The following PABPC1 variants were observed in gnomAD, a reference collection of about 807,000 sequenced individuals.
The protein encoded by PABPC1 is polyadenylate-binding protein 1.
Under a neutral mutation model 74.0 loss-of-function variants are expected in PABPC1, and 4 were observed. The ratio of observed to expected loss-of-function variants is 0.05; its 90% CI spans 0.03 to 0.12. The LOEUF (loss-of-function observed/expected upper bound fraction) is 0.12, where lower values mean the gene tolerates loss of function less well. Among genes scored for constraint, PABPC1 ranks in the 10% least tolerant of loss-of-function variants. The probability of loss-of-function intolerance (pLI) is 1.00; values close to 1 mark genes in which losing one functional copy is unlikely to be tolerated. For synonymous variants in PABPC1, 227 were observed against 264.1 expected, an observed-to-expected ratio of 0.86 and a Z score of 1.36; for missense variants, 271 against 821.1, an observed-to-expected ratio of 0.33 and a Z score of 8.19.
intron 3 of PABPC1, among the ~76,000 whole-genome samples, chr8:100,716,146 G>C (rs531790489): frequency 1.3e-4 from 20 of 152,312 alleles, no homozygotes; most frequent in African/African-American, 4.1e-4. Flanking sequence ...GCTCACACCT[G>C]TAATCCCAGC....
chr8:100,708,901 AAAT>A (rs1308526801), intron 9 of PABPC1, among the ~76,000 whole-genome samples: 2 of 151,782 alleles, frequency 1.3e-5, no homozygotes, highest in African/African-American at 4.9e-5. Flanking sequence ...ATAAATAAAT[AAAT>A]AAAAAATGAA....
At position 100,704,914 on chromosome 8, in the gene PABPC1, A is replaced by C. The variant is rs1322395487; in HGVS notation, c.1818+12T>G. 2 of 1,611,024 alleles carry C rather than the reference A, an allele frequency of 1.2e-6. No individual in the cohort carries two copies. Among genetic ancestry groups the C allele is most frequent in the Admixed American group, 1.7e-5 (1 of 59,802 alleles). On this transcript the variant is annotated intron_variant, in intron 13 of 14. Coordinates refer to ENST00000318607, the MANE Select transcript of PABPC1 (RefSeq NM_002568.4). ...TGTGTAAGAGGCAACTTGGTAAATAAATTTAAATCACCTTAGAACGGAGTG... is the reference window on the plus strand; with the variant it reads ...TGTGTAAGAGGCAACTTGGTAAATACATTTAAATCACCTTAGAACGGAGTG...
rs1809430827 is a variant in PABPC1 at position 100,703,099 on chromosome 8, AG to A, written c.*261del. 1 of 164,046 alleles carries A rather than the reference AG, an allele frequency of 6.1e-6. No individual in the cohort carries two copies. The highest frequency in any genetic ancestry group is 2.4e-5 in the African/African-American group (1 of 41,490). 10.2% of individuals were successfully genotyped at this position (164,046 alleles called of 1,614,324 possible). ...TACTTTGCTGAAAATTCTTTTTCCC[AG>A]GGTCTATAAAACATTAATTTGTTTT... On this transcript the variant is annotated 3_prime_UTR_variant, in exon 15 of 15. Transcript: ENST00000318607.
rs1239482909 is a variant in PABPC1, at chr8:100,712,025, T to G, written c.972+337A>C. 1.8e-4 allele frequency among the ~76,000 whole-genome samples: 27 copies of G among 152,236 alleles called. 1 individual carries two copies. Among genetic ancestry groups the G allele is most frequent in the Admixed American group, 1.8e-3 (27 of 15,280 alleles). On this transcript the variant is annotated intron_variant, in intron 7 of 14. Coordinates refer to ENST00000318607, the MANE Select transcript of PABPC1 (RefSeq NM_002568.4). ...GGGGGCAGGGGAGGGAACTGGGGCT[T>G]GACTACCCAGAATGAATTGTAGAAA...
intron 1 of PABPC1, 124 bp from the exon 2 acceptor site, chr8:100,718,404 T>C (rs947365019): frequency 2.5e-4 from 185 of 731,074 alleles, no homozygotes; most frequent in Admixed American, 4.1e-4. Flanking sequence ...GCTTCCTCTT[T>C]AAGCTTCAAG....
rs1055334447 is a variant in PABPC1, at chr8:100,721,983, T to A, written c.-400A>T. ...TTTTGTAAATTTTTTTGGGGTTTTT[T>A]AAAAGATTTTTTTAGATTTTTTTTG... On this transcript the variant is annotated 5_prime_UTR_variant, in exon 1 of 15. Coordinates refer to ENST00000318607, the MANE Select transcript of PABPC1 (RefSeq NM_002568.4). This position sits in a 1 kb window ranked among gnomAD's most constrained non-coding sequence, Gnocchi z 7.4. 5 of 168,318 alleles carry A rather than the reference T, an allele frequency of 3.0e-5. No homozygotes were observed. Among genetic ancestry groups the A allele is most frequent in the Non-Finnish European group, 5.1e-5 (4 of 78,764 alleles). The allele number at this position is 168,318 out of a possible 1,614,324, so 10.4% of individuals were successfully genotyped here. A position where few individuals can be genotyped will look rare whatever the true frequency, so the allele number is the denominator to read the frequency against.
At chr8:100,717,143 TAG>T (rs1366137472) in intron 3 of PABPC1, among the ~76,000 whole-genome samples, 1 of 152,144 alleles carries the variant, frequency 6.6e-6, no homozygotes, top group Non-Finnish European at 1.5e-5. Context: ...CCCGAGTAGC[TAG>T]GATTACAGGC....
chr8:100,718,201 T>C lies in PABPC1; in HGVS notation c.273A>G (p.Pro91=), dbSNP rs776826572. The change falls in exon 2 of 15, where the codon CCA becomes CCG. Residue 91 remains proline, a synonymous_variant. Transcript: ENST00000318607. The part of the protein sequence containing the change: ...PVRIMWSQRD[P]SLRKSGVGNI... Reference sequence around the variant, plus strand: ...TGCCTACTCCACTTTTGCGAAGTGATGGATCACGCTGAGACCACATGATGC... The same window carrying C: ...TGCCTACTCCACTTTTGCGAAGTGACGGATCACGCTGAGACCACATGATGC... 3.7e-6 allele frequency: 6 copies of C among 1,614,146 alleles called. No individual in the cohort carries two copies. Among genetic ancestry groups the C allele is most frequent in the Middle Eastern group, 1.6e-4 (1 of 6,084 alleles).
In PABPC1 at chr8:100,717,919, A is replaced by C. The variant is rs768056329; in HGVS notation, c.388-31T>G. ...GAAAAACATATACCCATTTTTCTTT[A>C]TTTGCTATTGATTTAACATTTGTTC... On this transcript the variant is annotated intron_variant, in intron 2 of 14. Coordinates refer to ENST00000318607, the MANE Select transcript of PABPC1 (RefSeq NM_002568.4). 1.1e-5 allele frequency: 17 copies of C among 1,499,522 alleles called. No individual in the cohort carries two copies. The South Asian group carries it at 1.9e-4, about 17-fold the overall frequency. 92.9% of individuals were successfully genotyped at this position (1,499,522 alleles called of 1,614,324 possible).
intron 2 of PABPC1, 65 bp downstream of exon 2, chr8:100,718,022 T>C: frequency 6.9e-7 from 1 of 1,456,708 alleles, no homozygotes; most frequent in Non-Finnish European, 9.6e-7. Context: ...ACAGTTCCTA[T>C]TTCAAGCACT....
rs751835159 is a variant in PABPC1, at chr8:100,717,738, T to A, written c.503+35A>T. On this transcript the variant is annotated intron_variant, in intron 3 of 14. Transcript: ENST00000318607. The stretch of plus-strand genomic sequence containing the variant: ...GGATTTGGAATTATTAAAAATAAGA[T>A]TCAAAATATGATTAGCTAGATATTT... 6 of 1,254,236 alleles carry A rather than the reference T, an allele frequency of 4.8e-6. No homozygotes were observed. In the South Asian group the frequency reaches 7.6e-5, roughly 16 times the overall value. 77.7% of individuals were successfully genotyped at this position (1,254,236 alleles called of 1,614,324 possible). A position where few individuals can be genotyped will look rare whatever the true frequency, so the allele number is the denominator to read the frequency against.
At chr8:100,717,410 TATGA>T (rs571111681) in intron 3 of PABPC1, among the ~76,000 whole-genome samples, 58 of 152,382 alleles carry the variant, frequency 3.8e-4, no homozygotes, top group African/African-American at 1.3e-3. Context: ...CCTCAAGAAT[TATGA>T]ATATTAGGTT....
intron 3 of PABPC1, 141 bp from the exon 4 acceptor site, chr8:100,715,742 G>A (rs1400626172): frequency 5.6e-6 from 3 of 530,998 alleles, no homozygotes; most frequent in Non-Finnish European, 9.6e-6. Context: ...TAGAAATAGG[G>A]CCATAATTTA....
chr8:100,706,534 G>T, intron 11 of PABPC1, 117 bp downstream of exon 11: 1 of 832,738 alleles, frequency 1.2e-6, no homozygotes, highest in Non-Finnish European at 1.9e-6. Flanking sequence ...CAATCTGCCT[G>T]CCTCAACCTC....
At chr8:100,719,958 T>G (rs890453210) in intron 1 of PABPC1, among the ~76,000 whole-genome samples, 1 of 152,250 alleles carries the variant, frequency 6.6e-6, no homozygotes, top group East Asian at 1.9e-4. Flanking sequence ...AGTGCAGTTT[T>G]ACAACTTCTG....
At chr8:100,706,142 C>T (rs1264255078) in intron 11 of PABPC1, among the ~76,000 whole-genome samples, 1 of 152,170 alleles carries the variant, frequency 6.6e-6, no homozygotes, top group East Asian at 1.9e-4. Context: ...AGCCACCACG[C>T]CTGGCCCATA....
In PABPC1 at chr8:100,704,407, C is replaced by G. The variant is rs181208660; in HGVS notation, c.1819-17G>C. The stretch of plus-strand genomic sequence containing the variant: ...TTCATCAACCTAAAAAAGGGGAAAA[C>G]AGATAAACTGGTTCAGGAAAGGAAT... On this transcript the variant is annotated splice_polypyrimidine_tract_variant and intron_variant, in intron 13 of 14. Coordinates refer to ENST00000318607, the MANE Select transcript of PABPC1 (RefSeq NM_002568.4). 3 of 1,588,148 alleles carry G rather than the reference C, an allele frequency of 1.9e-6. No individual in the cohort carries two copies. The highest frequency in any genetic ancestry group is 2.2e-5 in the East Asian group (1 of 44,728).
At chr8:100,705,077 A>C in intron 12 of PABPC1, 21 bp from the exon 13 acceptor site, 1 of 1,597,066 alleles carries the variant, frequency 6.3e-7, no homozygotes, top group East Asian at 2.2e-5. Flanking sequence ...AAACATTCAA[A>C]AACTCCCTTC....
Position 100,721,643 on chromosome 8 carries a change from A to G in PABPC1, c.-60T>C. 4.7e-6 allele frequency: 4 copies of G among 854,164 alleles called. No homozygotes were observed. Among genetic ancestry groups the G allele is most frequent in the South Asian group, 5.3e-5 (2 of 38,032 alleles). The allele number at this position is 854,164 out of a possible 1,614,324, so 52.9% of individuals were successfully genotyped here. A position where few individuals can be genotyped will look rare whatever the true frequency, so the allele number is the denominator to read the frequency against. ...ACCTTTCCGTGAGAGGAGGAGAGCG[A>G]GTGCCGGGGCTGGGGGCCGGAGCCG... On this transcript the variant is annotated 5_prime_UTR_variant, in exon 1 of 15. Transcript: ENST00000318607. This position sits in a 1 kb window ranked among gnomAD's most constrained non-coding sequence, Gnocchi z 7.4.
Sources: allele counts gnomAD v4.1 joint callset (sites outside exome capture counted in the v4.1 genomes callset), GRCh38; gene constraint gnomAD v4.1.1; non-coding constraint Gnocchi (gnomAD v3.1); transcripts MANE v1.5; gene names NCBI Gene and HGNC (gene_info 2026-07-23, HGNC 2026-07-21).